Variants in SLC8A3 observed in about 807,000 individuals in gnomAD.
The protein encoded by SLC8A3 is solute carrier family 8 member A3, also known as sodium/calcium exchanger 3.
SLC8A3 carries 37 observed loss-of-function variants against 65.4 expected under a neutral mutation model. The ratio of observed to expected loss-of-function variants is 0.57; its 90% CI spans 0.44 to 0.74. The LOEUF is 0.74. Among genes scored for constraint, SLC8A3 ranks in the 30% least tolerant of loss-of-function variants. The pLI is 0.00. For missense variants in SLC8A3, 1,112 were observed against 1,172.1 expected (o/e 0.95, Z 0.75); for synonymous variants, 461 against 444.5 (o/e 1.04, Z -0.47).
chr14:70,088,544 A>G (rs1891601029), intron 2 of SLC8A3, among the ~76,000 whole-genome samples: 1 of 152,158 alleles, frequency 6.6e-6, no homozygotes, highest in Admixed American at 6.5e-5. Context: ...GTTTCCTGCC[A>G]GCATCCTGCG....
In SLC8A3 at chr14:70,159,869, G is replaced by A. The variant is rs74062818; in HGVS notation, c.1784+6770C>T. 9.4e-3 allele frequency among the ~76,000 whole-genome samples: 1,431 copies of A among 152,234 alleles called. 20 individuals are homozygous for A. The highest frequency in any genetic ancestry group is 0.032 in the African/African-American group (1,314 of 41,540). On this transcript the variant is annotated intron_variant, in intron 2 of 6. Coordinates refer to ENST00000356921, the MANE Select transcript of SLC8A3 (RefSeq NM_182932.3). The stretch of plus-strand genomic sequence containing the variant: ...TCATGTGATCATCTCCAACCACAGT[G>A]TGTCTTTTTTAACCCATGCTGACAT...
At chr14:70,087,294 C>A (rs1480582129) in intron 2 of SLC8A3, among the ~76,000 whole-genome samples, 1 of 152,314 alleles carries the variant, frequency 6.6e-6, no homozygotes, top group South Asian at 2.1e-4. Context: ...ACAGATGGCG[C>A]TCTGGAGGAG....
chr14:70,069,709 C>G (rs984951811), intron 2 of SLC8A3, among the ~76,000 whole-genome samples: 9 of 152,168 alleles, frequency 5.9e-5, no homozygotes, highest in Non-Finnish European at 1.0e-4. Context: ...TTTCCCTGAC[C>G]CCTCTCCCAA....
chr14:70,159,424 A>C (rs571488331), intron 2 of SLC8A3, among the ~76,000 whole-genome samples: 35 of 142,604 alleles, frequency 2.5e-4, no homozygotes, highest in Non-Finnish European at 3.8e-4. Context: ...AAAAAAAAAA[A>C]CAAAAAAAAC....
At chr14:70,132,604 G>T (rs549221790) in intron 2 of SLC8A3, among the ~76,000 whole-genome samples, 4 of 152,264 alleles carry the variant, frequency 2.6e-5, no homozygotes, top group African/African-American at 7.2e-5. Context: ...TGGATGAAAC[G>T]GGAAATCTTT....
At position 70,180,565 on chromosome 14, in the gene SLC8A3, G is replaced by A. The variant is rs188263202; in HGVS notation, c.-63+7814C>T. Among the ~76,000 whole-genome samples, 35 of 152,316 alleles carry A rather than the reference G, an allele frequency of 2.3e-4. No individual in the cohort carries two copies. In the East Asian group the frequency reaches 5.0e-3, roughly 22 times the overall value. ...CAGGGGCTAAAAGGCATTGGCTCAA[G>A]AGGATTCTTCCTGTCTCACTGGGGA... is the stretch of plus-strand genomic sequence containing the variant. On this transcript the variant is annotated intron_variant, in intron 1 of 6. Transcript: ENST00000356921.
At chr14:70,180,022 A>C (rs1019662786) in intron 1 of SLC8A3, among the ~76,000 whole-genome samples, 1 of 152,188 alleles carries the variant, frequency 6.6e-6, no homozygotes, top group African/African-American at 2.4e-5. Flanking sequence ...AAAGGAAGTC[A>C]GGGCTGGAGT....
Position 70,054,170 on chromosome 14 carries a change from T to C in SLC8A3, c.1889-2056A>G, listed in dbSNP as rs1400760540. On this transcript the variant is annotated intron_variant, in intron 3 of 6. Coordinates refer to ENST00000356921, the MANE Select transcript of SLC8A3 (RefSeq NM_182932.3). ...AACAAATATTGGAAGGACAAAGAGC[T>C]TGCCAGGCCAGACAAGAATAGGATG... Among the ~76,000 whole-genome samples, 4 of 151,992 alleles carry C rather than the reference T, an allele frequency of 2.6e-5. No individual in the cohort carries two copies. The East Asian group carries it at 7.7e-4, about 29-fold the overall frequency.
At position 70,046,183 on chromosome 14, in the gene SLC8A3, G is replaced by A; in HGVS notation, c.2530C>T (p.Gln844Ter). The change falls in exon 7 of 7, where the codon CAG becomes TAG. Residue 844 changes from glutamine to a stop codon, truncating the protein, a stop_gained. Transcript: ENST00000356921. LOFTEE classifies it high-confidence loss of function. The surrounding 1 kb of genome is among the most constrained non-coding windows in gnomAD (Gnocchi z 4.2). ...GCCGACACGTGGAACTCCTGTCCCTGCAGAGCCCAGTAGATGGCGGCCACG... is the reference window on the plus strand; with the variant it reads ...GCCGACACGTGGAACTCCTGTCCCTACAGAGCCCAGTAGATGGCGGCCACG... ...WSVAAIYWAL[Q>*]GQEFHVSAGT... 6.2e-7 allele frequency: 1 copy of A among 1,614,206 alleles called. No homozygotes were observed. Among genetic ancestry groups the A allele is most frequent in the Non-Finnish European group, 8.5e-7 (1 of 1,180,040 alleles).
chr14:70,086,488 G>A (rs1250635864), intron 2 of SLC8A3, among the ~76,000 whole-genome samples: 2 of 138,694 alleles, frequency 1.4e-5, no homozygotes, highest in Non-Finnish European at 3.0e-5. Flanking sequence ...TGCAACCTCC[G>A]CCTCCCAGGT....
chr14:70,186,745 CAG>C (rs1566842391), intron 1 of SLC8A3, among the ~76,000 whole-genome samples: 1 of 152,292 alleles, frequency 6.6e-6, no homozygotes, highest in East Asian at 1.9e-4. Context: ...CTTTGACCAT[CAG>C]CCATCCTCCT....
intron 2 of SLC8A3, among the ~76,000 whole-genome samples, chr14:70,129,301 A>C (rs910917535): frequency 9.2e-5 from 14 of 152,090 alleles, no homozygotes; most frequent in South Asian, 2.1e-4. Flanking sequence ...TCTGATCTGC[A>C]CTCCTGGACA....
chr14:70,157,094 G>A (rs931385345), intron 2 of SLC8A3, among the ~76,000 whole-genome samples: 2 of 152,146 alleles, frequency 1.3e-5, no homozygotes, highest in Admixed American at 6.5e-5. Context: ...AGTCTATAGT[G>A]AGCTTGATGC....
intron 2 of SLC8A3, among the ~76,000 whole-genome samples, chr14:70,099,108 T>C (rs888385209): frequency 1.3e-5 from 2 of 152,182 alleles, no homozygotes; most frequent in African/African-American, 4.8e-5. Context: ...TTCCAGGCCC[T>C]TACCATTTTC....
chr14:70,054,071 A>G (rs61977413), intron 3 of SLC8A3, among the ~76,000 whole-genome samples: 13,054 of 152,234 alleles, frequency 0.086, 592 homozygotes, highest in Non-Finnish European at 0.11. Flanking sequence ...GACTAAATAA[A>G]CTCTCAGTTC....
intron 1 of SLC8A3, among the ~76,000 whole-genome samples, chr14:70,178,534 T>C (rs1882441128): frequency 6.6e-6 from 1 of 152,154 alleles, no homozygotes; most frequent in African/African-American, 2.4e-5. Context: ...ATATTGCTCC[T>C]AAGAAAAAAT....
At chr14:70,108,973 T>G (rs1324387612) in intron 2 of SLC8A3, among the ~76,000 whole-genome samples, 3 of 152,188 alleles carry the variant, frequency 2.0e-5, no homozygotes, top group Admixed American at 6.5e-5. Flanking sequence ...GGTTGCACCT[T>G]AAATGTTGCT....
In SLC8A3 at chr14:70,045,797, G is replaced by A. The variant is rs1367015721; in HGVS notation, c.*150C>T. The A allele has an allele frequency of 1.5e-6, 1 of 677,544 alleles. No homozygotes were observed. Among genetic ancestry groups the A allele is most frequent in the Admixed American group, 3.0e-5 (1 of 33,602 alleles). 42.0% of individuals were successfully genotyped at this position (677,544 alleles called of 1,614,324 possible). ...TAAGACTTTGCCCTTTCAGTTAATT[G>A]CCAGGGCCTAAGTTGGGTGAAGTTC... is the stretch of plus-strand genomic sequence containing the variant. On this transcript the variant is annotated 3_prime_UTR_variant, in exon 7 of 7. Coordinates refer to ENST00000356921, the MANE Select transcript of SLC8A3 (RefSeq NM_182932.3).
chr14:70,148,292 G>C (rs1214021787), intron 2 of SLC8A3, among the ~76,000 whole-genome samples: 3 of 152,130 alleles, frequency 2.0e-5, no homozygotes, highest in Non-Finnish European at 4.4e-5. Flanking sequence ...ACTTGCAATG[G>C]AATTACATCC....
Sources: gnomAD v4.1 joint callset for allele counts (sites outside exome capture counted in the v4.1 genomes callset) on GRCh38, gnomAD v4.1.1 for gene constraint, Gnocchi (gnomAD v3.1) non-coding constraint, MANE v1.5 for transcripts, NCBI Gene and HGNC (gene_info 2026-07-23, HGNC 2026-07-21) for gene names.